The following CCDC66 variants were observed in gnomAD, a reference collection of about 807,000 sequenced individuals.
CCDC66 encodes coiled-coil domain containing 66.
A neutral mutation model predicts 128.3 loss-of-function variants in CCDC66; 133 were observed. The observed-to-expected ratio is 1.04, with a 90% confidence interval of 0.90 to 1.20. The LOEUF (loss-of-function observed/expected upper bound fraction) is 1.20, where lower values mean the gene tolerates loss of function less well. Ranked by LOEUF, CCDC66 falls within the 50% of genes most tolerant of loss-of-function variation. The pLI, the probability that CCDC66 is intolerant of heterozygous loss-of-function variation, is 0.00. For synonymous variants in CCDC66, 387 were observed against 357.0 expected (o/e 1.08, Z -0.95); for missense variants, 1,126 against 1,075.5 (o/e 1.05, Z -0.66).
intron 12 of CCDC66, among the ~76,000 whole-genome samples, chr3:56,615,572 A>G (rs2075388331): frequency 6.6e-6 from 1 of 152,136 alleles, no homozygotes; most frequent in Non-Finnish European, 1.5e-5. Context: ...CCTTCAATAT[A>G]CCTACTATTC....
chr3:56,592,450 T>G (rs1455768742), intron 7 of CCDC66, among the ~76,000 whole-genome samples: 2 of 152,014 alleles, frequency 1.3e-5, no homozygotes, highest in African/African-American at 4.8e-5. Context: ...AACCTCCACC[T>G]CCCGGGTTCA....
At chr3:56,584,847 C>T (rs1430651078) in intron 7 of CCDC66, among the ~76,000 whole-genome samples, 2 of 151,938 alleles carry the variant, frequency 1.3e-5, no homozygotes, top group Non-Finnish European at 2.9e-5. Context: ...CCCAGCACCT[C>T]GGGAGGCCGA....
At chr3:56,579,477 C>T (rs2067959384) in intron 7 of CCDC66, among the ~76,000 whole-genome samples, 2 of 151,710 alleles carry the variant, frequency 1.3e-5, no homozygotes, top group East Asian at 2.0e-4. Context: ...GCTCTTGCTT[C>T]TCTAGTTCTT....
At position 56,566,962 on chromosome 3, in the gene CCDC66, G is replaced by A. The variant is rs776176850; in HGVS notation, c.723G>A (p.Trp241Ter). 6.2e-7 allele frequency: 1 copy of A among 1,613,554 alleles called. No homozygotes were observed. The highest frequency in any genetic ancestry group is 1.7e-5 in the Admixed American group (1 of 59,946). ...TGTTTTACCTTAGAGAGAATGAATG[G>A]AAACCAGCTGATATATTCAGTACTC... ...CEQKIAIENEWKPADIFSTLG... is the reference protein window; with the variant it reads ...CEQKIAIENE Residue 241 changes from tryptophan to a stop codon, truncating the protein, a stop_gained, in exon 6 of 18, where the codon TGG becomes TGA. Transcript: ENST00000394672. LOFTEE classifies it high-confidence loss of function.
intron 7 of CCDC66, among the ~76,000 whole-genome samples, chr3:56,580,756 G>A (rs1425477114): frequency 6.6e-6 from 1 of 151,900 alleles, no homozygotes; most frequent in Non-Finnish European, 1.5e-5. Flanking sequence ...CTTCTGGCTT[G>A]TAGAGTTTCT....
intron 10 of CCDC66, among the ~76,000 whole-genome samples, chr3:56,594,789 G>T (rs746272309): frequency 2.6e-5 from 4 of 152,160 alleles, no homozygotes; most frequent in Non-Finnish European, 4.4e-5. Flanking sequence ...TTTAATATCT[G>T]CATAATTCTT....
chr3:56,594,814 T>C (rs775897729), intron 10 of CCDC66, among the ~76,000 whole-genome samples: 1 of 152,262 alleles, frequency 6.6e-6, no homozygotes, highest in Non-Finnish European at 1.5e-5. Context: ...TCCTTTGATA[T>C]ATGAATTTGG....
intron 17 of CCDC66, chr3:56,620,233 T>C (rs2076219679): frequency 3.0e-5 from 5 of 164,752 alleles, no homozygotes; most frequent in Non-Finnish European, 2.6e-5. Flanking sequence ...TTTAACAAAT[T>C]CTTAGCAATG....
At chr3:56,620,729 G>A (rs1353626979) in intron 17 of CCDC66, 2 of 152,104 alleles carry the variant, frequency 1.3e-5, no homozygotes, top group African/African-American at 2.4e-5. Flanking sequence ...TTGCTTAGTG[G>A]AGACAAAAAT....
intron 4 of CCDC66, 87 bp from the exon 5 acceptor site, chr3:56,566,507 G>A: frequency 1.3e-6 from 1 of 798,616 alleles, no homozygotes; most frequent in Admixed American, 2.5e-5. Context: ...TAACGTGTAA[G>A]ACATGTAAGA....
At chr3:56,618,352 G>A in intron 15 of CCDC66, 140 bp downstream of exon 15, 1 of 733,698 alleles carries the variant, frequency 1.4e-6, no homozygotes, top group Non-Finnish European at 2.3e-6. Context: ...GAGGGTTAGA[G>A]GTTTAAGGGA....
At chr3:56,590,780 T>TAGGC (rs1313769561) in intron 7 of CCDC66, among the ~76,000 whole-genome samples, 1 of 151,494 alleles carries the variant, frequency 6.6e-6, no homozygotes, top group East Asian at 1.9e-4. Context: ...CAAAAGAGAA[T>TAGGC]AGGCTCCAAA....
At chr3:56,575,576 A>C (rs1577382981) in intron 7 of CCDC66, among the ~76,000 whole-genome samples, 1 of 151,812 alleles carries the variant, frequency 6.6e-6, no homozygotes, top group Non-Finnish European at 1.5e-5. Context: ...TTTGATGCAC[A>C]AAAGTCTTTA....
chr3:56,605,832 T>A (rs2107216940), intron 10 of CCDC66, among the ~76,000 whole-genome samples: 1 of 152,186 alleles, frequency 6.6e-6, no homozygotes, highest in South Asian at 2.1e-4. Flanking sequence ...TTCAGAGCCA[T>A]CAGGCAGGGA....
At chr3:56,618,918 T>C in intron 15 of CCDC66, 1 of 196,414 alleles carries the variant, frequency 5.1e-6, no homozygotes, top group Non-Finnish European at 1.0e-5. Flanking sequence ...TACAGGTACA[T>C]TTAGAATAAA....
intron 3 of CCDC66, among the ~76,000 whole-genome samples, chr3:56,562,814 A>ATT (rs573450400): frequency 0.051 from 7,084 of 138,012 alleles, 175 homozygotes; most frequent in East Asian, 0.092. Flanking sequence ...AATTTTTTGT[A>ATT]TTTTTTTTTT....
chr3:56,583,074 T>C (rs1443921438), intron 7 of CCDC66, among the ~76,000 whole-genome samples: 1 of 151,378 alleles, frequency 6.6e-6, no homozygotes, highest in Non-Finnish European at 1.5e-5. Context: ...ACAGGGTTGC[T>C]CAGGCTGGTC....
chr3:56,594,284 G>A (rs1432887726), intron 10 of CCDC66, among the ~76,000 whole-genome samples: 1 of 143,582 alleles, frequency 7.0e-6, no homozygotes, highest in Non-Finnish European at 1.6e-5. Flanking sequence ...TGTTGTCTTA[G>A]GTTAGTACTG....
chr3:56,600,976 A>G (rs1296484301), intron 10 of CCDC66, among the ~76,000 whole-genome samples: 1 of 151,978 alleles, frequency 6.6e-6, no homozygotes, highest in African/African-American at 2.4e-5. Context: ...GAAGTTCTTT[A>G]GTTTAATTAG....
Sources: allele counts gnomAD v4.1 joint callset (sites outside exome capture counted in the v4.1 genomes callset), GRCh38; gene constraint gnomAD v4.1.1; transcripts MANE v1.5; gene names NCBI Gene and HGNC (gene_info 2026-07-23, HGNC 2026-07-21).